The following NDST3 variants were observed in gnomAD, a reference collection of about 807,000 sequenced individuals.
NDST3 encodes the protein N-deacetylase and N-sulfotransferase 3.
NDST3 carries 58 observed loss-of-function variants against 96.1 expected under a neutral mutation model. The ratio of observed to expected loss-of-function variants is 0.60; its 90% CI spans 0.49 to 0.75. The LOEUF (loss-of-function observed/expected upper bound fraction) is 0.75. NDST3 is among the 30% of genes least tolerant of loss of function. NDST3 has a pLI of 0.00. For missense variants in NDST3, 788 were observed against 1,034.2 expected (o/e 0.76, Z 3.27); for synonymous variants, 333 against 359.7 (o/e 0.93, Z 0.84).
In NDST3 at chr4:118,202,532, T is replaced by C. The variant is rs151267276; in HGVS notation, c.1540-21959T>C. Reference sequence around the variant, plus strand: ...GTTCTCTTTGTAGAGATCTTTCACCTCCTTGGCTACCTGTATTCCTAGATA... The same window carrying C: ...GTTCTCTTTGTAGAGATCTTTCACCCCCTTGGCTACCTGTATTCCTAGATA... On this transcript the variant is annotated intron_variant, in intron 6 of 13. Coordinates refer to ENST00000296499, the MANE Select transcript of NDST3 (RefSeq NM_004784.3). 5.2e-3 allele frequency among the ~76,000 whole-genome samples: 786 copies of C among 152,332 alleles called. 5 individuals are homozygous for C. Among genetic ancestry groups the C allele is most frequent in the African/African-American group, 0.018 (747 of 41,574 alleles).
At chr4:118,130,768 A>G (rs924742200) in intron 4 of NDST3, among the ~76,000 whole-genome samples, 3 of 152,168 alleles carry the variant, frequency 2.0e-5, no homozygotes, top group Non-Finnish European at 4.4e-5. Flanking sequence ...TGTTGATGAA[A>G]TTCCTCAGCT....
chr4:118,114,276 C>T (rs531053533), intron 3 of NDST3, among the ~76,000 whole-genome samples: 4 of 152,262 alleles, frequency 2.6e-5, no homozygotes, highest in African/African-American at 4.8e-5. Context: ...TTCTCAACAA[C>T]GATTTCCACA....
rs188206319 is a variant in NDST3, at chr4:118,238,235, A to G, written c.2118+1015A>G. Among the ~76,000 whole-genome samples the G allele has an allele frequency of 5.9e-5, 9 of 152,110 alleles. 1 individual carries two copies. The East Asian group carries it at 1.7e-3, about 29-fold the overall frequency. On this transcript the variant is annotated intron_variant, in intron 10 of 13. Transcript: ENST00000296499. ...AGAAAGAAAGAAAGAAAAAGAAAGAAGAAAAAAAGAAAGAAAATTCTACAT... is the reference window on the plus strand; with the variant it reads ...AGAAAGAAAGAAAGAAAAAGAAAGAGGAAAAAAAGAAAGAAAATTCTACAT...
intron 6 of NDST3, among the ~76,000 whole-genome samples, chr4:118,161,588 C>T (rs1383421580): frequency 6.6e-6 from 1 of 152,140 alleles, no homozygotes; most frequent in African/African-American, 2.4e-5. Context: ...GGGCGCCTAT[C>T]CCCCAGCCTC....
intron 6 of NDST3, among the ~76,000 whole-genome samples, chr4:118,206,506 G>A (rs1738452463): frequency 6.9e-6 from 1 of 144,542 alleles, no homozygotes; most frequent in African/African-American, 2.6e-5. Flanking sequence ...AATATAGGGT[G>A]TATGTGGTAG....
At chr4:118,150,272 C>T (rs959948774) in intron 6 of NDST3, among the ~76,000 whole-genome samples, 3 of 152,110 alleles carry the variant, frequency 2.0e-5, no homozygotes, top group African/African-American at 7.2e-5. Context: ...TGGCCTCATA[C>T]CATAAAAACC....
intron 1 of NDST3, among the ~76,000 whole-genome samples, chr4:118,036,114 GA>G (rs1724134069): frequency 6.6e-6 from 1 of 152,016 alleles, no homozygotes; most frequent in Non-Finnish European, 1.5e-5. Context: ...TTCTGCTAAA[GA>G]AGTTATTATA....
chr4:118,241,491 T>C (rs565261945), intron 11 of NDST3, among the ~76,000 whole-genome samples: 20 of 100,800 alleles, frequency 2.0e-4, no homozygotes, highest in Non-Finnish European at 4.3e-4. Context: ...TCCACCCTCC[T>C]TGGCATAACA....
chr4:118,162,825 G>A (rs2125927572), intron 6 of NDST3, among the ~76,000 whole-genome samples: 1 of 149,026 alleles, frequency 6.7e-6, no homozygotes, highest in Admixed American at 6.8e-5. Flanking sequence ...CCTACAAAAT[G>A]GGAGAAAATT....
intron 3 of NDST3, among the ~76,000 whole-genome samples, chr4:118,107,905 T>C (rs933743660): frequency 6.6e-6 from 1 of 152,210 alleles, no homozygotes; most frequent in Admixed American, 6.5e-5. Flanking sequence ...TTCATGCTGC[T>C]AATAAACATA....
chr4:118,253,704 T>C (rs1741920166), intron 13 of NDST3, 103 bp downstream of exon 13: 6 of 783,724 alleles, frequency 7.7e-6, no homozygotes, highest in Non-Finnish European at 1.2e-5. Flanking sequence ...TCAGCCTTTC[T>C]AAAAATTAAA....
At chr4:118,139,809 T>G (rs1560672062) in intron 5 of NDST3, among the ~76,000 whole-genome samples, 1 of 152,190 alleles carries the variant, frequency 6.6e-6, no homozygotes, top group Non-Finnish European at 1.5e-5. Flanking sequence ...TGTCTATATT[T>G]CATCAATAAT....
intron 2 of NDST3, among the ~76,000 whole-genome samples, chr4:118,069,779 G>A (rs1166939102): frequency 1.3e-5 from 2 of 149,390 alleles, no homozygotes; most frequent in Admixed American, 1.4e-4. Flanking sequence ...ATTGTTTCTT[G>A]TCAATCGTTT....
Position 118,146,414 on chromosome 4 carries a change from C to G in NDST3, c.1539+2730C>G, listed in dbSNP as rs553567103. ...GCTGAAAACAAAAATATAAACAGGA[C>G]TTTAATTAATGAGGGTTTTAAGTTT... On this transcript the variant is annotated intron_variant, in intron 6 of 13. Transcript: ENST00000296499. Among the ~76,000 whole-genome samples the G allele has an allele frequency of 2.0e-5, 3 of 152,234 alleles. 1 individual carries two copies. The South Asian group carries it at 6.2e-4, about 32-fold the overall frequency.
intron 6 of NDST3, among the ~76,000 whole-genome samples, chr4:118,166,169 T>C (rs1486369576): frequency 1.3e-5 from 2 of 151,396 alleles, no homozygotes; most frequent in African/African-American, 4.8e-5. Flanking sequence ...CTTTAGTTAC[T>C]AACAAAAAAG....
intron 2 of NDST3, among the ~76,000 whole-genome samples, chr4:118,086,569 A>G (rs543809279): frequency 6.6e-6 from 1 of 152,258 alleles, no homozygotes; most frequent in South Asian, 2.1e-4. Flanking sequence ...TCTGCCAACC[A>G]TCTTGGCCTA....
At chr4:118,193,102 C>T (rs1234746601) in intron 6 of NDST3, among the ~76,000 whole-genome samples, 1 of 152,034 alleles carries the variant, frequency 6.6e-6, no homozygotes, top group Non-Finnish European at 1.5e-5. Flanking sequence ...CTCTTCTACC[C>T]CTGGAAAATG....
intron 6 of NDST3, among the ~76,000 whole-genome samples, chr4:118,163,256 T>C (rs536274893): frequency 9.8e-5 from 15 of 152,294 alleles, no homozygotes; most frequent in Middle Eastern, 6.8e-3. Context: ...ACTGGGTATA[T>C]ACCCAAAGGA....
intron 10 of NDST3, among the ~76,000 whole-genome samples, chr4:118,240,314 A>C (rs1175176429): frequency 6.6e-6 from 1 of 152,174 alleles, no homozygotes; most frequent in African/African-American, 2.4e-5. Flanking sequence ...TCTACCAGAT[A>C]AATTCTCAAA....
Sources: allele counts gnomAD v4.1 joint callset (sites outside exome capture counted in the v4.1 genomes callset), GRCh38; gene constraint gnomAD v4.1.1; transcripts MANE v1.5; gene names NCBI Gene and HGNC (gene_info 2026-07-23, HGNC 2026-07-21).